Variants in ATP8A1 observed in about 807,000 individuals in gnomAD.
The protein encoded by ATP8A1 is ATPase phospholipid transporting 8A1.
Under a neutral mutation model 177.7 loss-of-function variants are expected in ATP8A1, and 90 were observed. The ratio of observed to expected loss-of-function variants is 0.51; its 90% CI spans 0.43 to 0.60. The LOEUF is 0.60. Ranked by LOEUF, ATP8A1 falls within the 20% of genes least tolerant of loss-of-function variation. The pLI is 0.00. For synonymous variants in ATP8A1, 493 were observed against 485.9 expected, an observed-to-expected ratio of 1.01 and a Z score of -0.19; for missense variants, 1,072 against 1,392.8, an observed-to-expected ratio of 0.77 and a Z score of 3.67.
intron 25 of ATP8A1, among the ~76,000 whole-genome samples, chr4:42,468,690 G>A (rs1167521818): frequency 3.3e-5 from 5 of 151,916 alleles, no homozygotes; most frequent in Admixed American, 1.3e-4. Context: ...GGTGGGAGGG[G>A]GACTACAAAT....
At position 42,554,065 on chromosome 4, in the gene ATP8A1, A is replaced by G. The variant is rs529068885; in HGVS notation, c.1414-1455T>C. Among the ~76,000 whole-genome samples, 21 of 152,342 alleles carry G rather than the reference A, an allele frequency of 1.4e-4. No homozygotes were observed. In the South Asian group the frequency reaches 4.4e-3, roughly 32 times the overall value. ...GGCAGGGGCCAGATCATGTTACTTTATGAGTGAAGAGAGAACGCAGAGAAT... is the reference window on the plus strand; with the variant it reads ...GGCAGGGGCCAGATCATGTTACTTTGTGAGTGAAGAGAGAACGCAGAGAAT... On this transcript the variant is annotated intron_variant, in intron 16 of 36. Coordinates refer to ENST00000381668, the MANE Select transcript of ATP8A1 (RefSeq NM_006095.2).
chr4:42,598,780 C>T (rs935564168), intron 6 of ATP8A1, among the ~76,000 whole-genome samples: 2 of 152,192 alleles, frequency 1.3e-5, no homozygotes, highest in Non-Finnish European at 2.9e-5. Flanking sequence ...AAACTTGATA[C>T]TGCCAACTTA....
intron 33 of ATP8A1, among the ~76,000 whole-genome samples, chr4:42,426,407 A>G (rs1424450645): frequency 6.6e-6 from 1 of 152,170 alleles, no homozygotes. Flanking sequence ...ATAGACATCT[A>G]AAACAGAAGG....
At chr4:42,629,246 G>C (rs1247471498) in intron 1 of ATP8A1, among the ~76,000 whole-genome samples, 1 of 152,174 alleles carries the variant, frequency 6.6e-6, no homozygotes, top group Non-Finnish European at 1.5e-5. Context: ...GATCTTTAAA[G>C]AGAAAACTCA....
intron 1 of ATP8A1, among the ~76,000 whole-genome samples, chr4:42,655,564 C>G (rs1446911921): frequency 6.6e-6 from 1 of 152,176 alleles, no homozygotes; most frequent in Non-Finnish European, 1.5e-5. Flanking sequence ...ATGTATTCAA[C>G]TGTGTATGTA....
chr4:42,506,858 T>C (rs1578070034), intron 23 of ATP8A1, among the ~76,000 whole-genome samples, 158 bp downstream of exon 23: 1 of 152,198 alleles, frequency 6.6e-6, no homozygotes, highest in Non-Finnish European at 1.5e-5. Flanking sequence ...GTGCCACTTA[T>C]GGATGGGAGG....
At chr4:42,579,409 T>A (rs1415687107) in intron 11 of ATP8A1, among the ~76,000 whole-genome samples, 1 of 147,974 alleles carries the variant, frequency 6.8e-6, no homozygotes, top group East Asian at 1.9e-4. Context: ...ATATTTAAAA[T>A]ATTTTATATA....
intron 22 of ATP8A1, among the ~76,000 whole-genome samples, chr4:42,508,385 A>T (rs1724671503): frequency 6.6e-6 from 1 of 152,170 alleles, no homozygotes; most frequent in African/African-American, 2.4e-5. Flanking sequence ...TTGACCTCCC[A>T]AAGTATTGTG....
At chr4:42,523,247 G>A (rs532101032) in intron 21 of ATP8A1, among the ~76,000 whole-genome samples, 12 of 152,264 alleles carry the variant, frequency 7.9e-5, no homozygotes, top group African/African-American at 2.6e-4. Context: ...AAGAGTAGAT[G>A]CATTGGAAGA....
At chr4:42,480,544 A>G (rs1011177653) in intron 25 of ATP8A1, among the ~76,000 whole-genome samples, 3 of 152,222 alleles carry the variant, frequency 2.0e-5, no homozygotes, top group Non-Finnish European at 2.9e-5. Context: ...AGCATTTATT[A>G]GCTTCATTTG....
chr4:42,414,475 T>C, intron 36 of ATP8A1, 152 bp downstream of exon 36: 1 of 621,068 alleles, frequency 1.6e-6, no homozygotes, highest in East Asian at 2.8e-5. Flanking sequence ...TTCTGACCAA[T>C]GGATTTTCTG....
At chr4:42,599,933 A>C (rs1326224179) in intron 6 of ATP8A1, among the ~76,000 whole-genome samples, 1 of 152,232 alleles carries the variant, frequency 6.6e-6, no homozygotes, top group East Asian at 1.9e-4. Context: ...AAACACCTGA[A>C]TAACATTTGT....
chr4:42,544,405 G>T lies in ATP8A1; in HGVS notation c.1653-419C>A, dbSNP rs139386854. The stretch of plus-strand genomic sequence containing the variant: ...TTATTAAAAATACAAATGACAATCA[G>T]TGACACCCCATCACACATGAAGGCA... On this transcript the variant is annotated intron_variant, in intron 19 of 36. Transcript: ENST00000381668. 5.9e-5 allele frequency among the ~76,000 whole-genome samples: 9 copies of T among 152,240 alleles called. No individual in the cohort carries two copies. In the East Asian group the frequency reaches 1.4e-3, roughly 23 times the overall value.
rs748819585 is a variant in ATP8A1 at position 42,423,618 on chromosome 4, C to T, written c.3211G>A (p.Val1071Ile). Residue 1071 changes from valine to isoleucine, a missense_variant and splice_region_variant, in exon 34 of 37, where the codon GTT (valine) becomes ATT (isoleucine). This residue lies in a region of ATP8A1 where 316 missense variants were observed against 459.1 expected (regional missense o/e 0.69). Transcript: ENST00000381668. Reference sequence around the variant, plus strand: ...GTATATAACTGAGTATATACTTACACCTTGTACACCACATCAAGGAGCAGA... The same window carrying T: ...GTATATAACTGAGTATATACTTACATCTTGTACACCACATCAAGGAGCAGA... ...ASLLLDVVYKVIKRTAFKTLV... is the reference protein window; with the variant it reads ...ASLLLDVVYKIIKRTAFKTLV... 4 of 1,606,510 alleles carry T rather than the reference C, an allele frequency of 2.5e-6. No individual in the cohort carries two copies. The Admixed American group carries it at 6.7e-5, about 27-fold the overall frequency.
At position 42,574,707 on chromosome 4, in the gene ATP8A1, C is replaced by A; in HGVS notation, c.1207G>T (p.Val403Phe). The A allele has an allele frequency of 1.3e-6, 2 of 1,591,654 alleles. No homozygotes were observed. The highest frequency in any genetic ancestry group is 1.4e-5 in the African/African-American group (1 of 73,516). The change falls in exon 14 of 37, where the codon GTT becomes TTT. Residue 403 changes from valine (V) to phenylalanine (F), a missense_variant and splice_region_variant. By Grantham distance (50) the Val-to-Phe change is conservative. This residue lies in a region of ATP8A1 where 388 missense variants were observed against 471.7 expected (regional missense o/e 0.82). Transcript: ENST00000381668. ...TSNLNEELGQ[V>F]KYIFSDKTGT... ...GTTTTGTCAGAAAATATGTATTTAA[C>A]CTAAAAAAGTTTAAAATTTCTCATT... is the stretch of plus-strand genomic sequence containing the variant.
At chr4:42,420,020 C>A (rs1203003983) in intron 35 of ATP8A1, among the ~76,000 whole-genome samples, 10 of 126,132 alleles carry the variant, frequency 7.9e-5, no homozygotes, top group African/African-American at 3.2e-4. Flanking sequence ...AACAAACAAA[C>A]AAAAAAAAAA....
chr4:42,488,596 T>C (rs1242895649), intron 24 of ATP8A1, among the ~76,000 whole-genome samples: 2 of 152,192 alleles, frequency 1.3e-5, no homozygotes, highest in Non-Finnish European at 2.9e-5. Context: ...TTAAAAATTT[T>C]CTAGGGCTTT....
chr4:42,484,792 T>C (rs368197811), intron 25 of ATP8A1, among the ~76,000 whole-genome samples: 8 of 152,156 alleles, frequency 5.3e-5, no homozygotes, highest in South Asian at 2.1e-4. Flanking sequence ...TAAGATTCAA[T>C]AGTGAATGAC....
intron 16 of ATP8A1, among the ~76,000 whole-genome samples, chr4:42,553,696 G>A (rs539642132): frequency 6.6e-6 from 1 of 152,128 alleles, no homozygotes; most frequent in East Asian, 1.9e-4. Context: ...GTTCAAGCTA[G>A]AACAGTGGAC....
Sources: gnomAD v4.1 joint callset for allele counts (sites outside exome capture counted in the v4.1 genomes callset) on GRCh38, gnomAD v4.1.1 for gene constraint, gnomAD v4.1.1 regional missense constraint, MANE v1.5 for transcripts, NCBI Gene and HGNC (gene_info 2026-07-23, HGNC 2026-07-21) for gene names.